The following TMEM178A variants were observed in gnomAD, a reference collection of about 807,000 sequenced individuals.
The protein encoded by TMEM178A is transmembrane protein 178A, also known as transmembrane protein 178.
In TMEM178A, 12 loss-of-function variants were observed where a neutral mutation model predicts 29.1. That is an observed-to-expected ratio of 0.41 (90% CI 0.26 to 0.67). TMEM178A has a LOEUF of 0.67. Among genes scored for constraint, TMEM178A ranks in the 30% least tolerant of loss-of-function variants. TMEM178A has a pLI of 0.29. For missense variants in TMEM178A, 366 were observed against 419.1 expected, an observed-to-expected ratio of 0.87 and a Z score of 1.11; for synonymous variants, 210 against 187.2, an observed-to-expected ratio of 1.12 and a Z score of -0.99.
intron 1 of TMEM178A, among the ~76,000 whole-genome samples, chr2:39,695,262 C>T (rs1467454408): frequency 1.3e-5 from 2 of 152,042 alleles, no homozygotes; most frequent in Non-Finnish European, 2.9e-5. Context: ...ATGGTGTAGC[C>T]TGTTGTTAAC....
chr2:39,711,286 A>ATAATATATACTTATTATAATT (rs1672289794), intron 3 of TMEM178A, among the ~76,000 whole-genome samples: 2 of 152,378 alleles, frequency 1.3e-5, no homozygotes, highest in South Asian at 4.1e-4. Flanking sequence ...TTAGATGGGT[A>ATAATATATACTTATTATAATT]TAATATATAC....
chr2:39,666,238 G>T lies in TMEM178A; in HGVS notation c.264G>T (p.Glu88Asp). The stretch of plus-strand genomic sequence containing the variant: ...GCGGCCCGGGGCGCGCCGACCCCGA[G>T]TCCTGGCGCTCGCTCCTGGGGCTCG... Reference protein sequence around the residue: ...LPGGPGRADPESWRSLLGLGG... With the variant: ...LPGGPGRADPDSWRSLLGLGG... The change falls in exon 1 of 4, where the codon GAG becomes GAT. Residue 88 changes from glutamate to aspartate, a missense_variant. Physicochemically the swap from Glu to Asp is conservative, Grantham distance 45. Transcript: ENST00000281961. The T allele has an allele frequency of 7.4e-7, 1 of 1,353,094 alleles. No individual in the cohort carries two copies. Among genetic ancestry groups the T allele is most frequent in the Non-Finnish European group, 9.4e-7 (1 of 1,059,662 alleles). The allele number at this position is 1,353,094 out of a possible 1,614,324, so 83.8% of individuals were successfully genotyped here. A position where few individuals can be genotyped will look rare whatever the true frequency, so the allele number is the denominator to read the frequency against.
rs770838873 is a variant in TMEM178A, at chr2:39,665,934, G to T, written c.-41G>T. On this transcript the variant is annotated 5_prime_UTR_variant, in exon 1 of 4. Coordinates refer to ENST00000281961, the MANE Select transcript of TMEM178A (RefSeq NM_152390.3). ...GGCCAAGTGCATTGTGTCTGGCGGCGGCGCGCGAGCCCACCGGCGGCTGCG... is the reference window on the plus strand; with the variant it reads ...GGCCAAGTGCATTGTGTCTGGCGGCTGCGCGCGAGCCCACCGGCGGCTGCG... 1 of 1,346,718 alleles carries T rather than the reference G, an allele frequency of 7.4e-7. No individual in the cohort carries two copies. The highest frequency in any genetic ancestry group is 9.5e-7 in the Non-Finnish European group (1 of 1,053,548). The allele number at this position is 1,346,718 out of a possible 1,614,324, so 83.4% of individuals were successfully genotyped here.
the TMEM178A span, among the ~76,000 whole-genome samples, chr2:39,735,234 A>T: frequency 6.6e-6 from 1 of 152,168 alleles, no homozygotes; most frequent in African/African-American, 2.4e-5. Flanking sequence ...CGCAGTATCC[A>T]CTATATGCCA....
intron 1 of TMEM178A, among the ~76,000 whole-genome samples, chr2:39,679,948 G>T (rs916816080): frequency 1.3e-5 from 2 of 152,074 alleles, no homozygotes; most frequent in Non-Finnish European, 2.9e-5. Context: ...GGAGAATCAC[G>T]TGGGGTGTGA....
At chr2:39,703,147 T>C (rs1671870007) in intron 1 of TMEM178A, among the ~76,000 whole-genome samples, 2 of 152,230 alleles carry the variant, frequency 1.3e-5, no homozygotes, top group Non-Finnish European at 1.5e-5. Flanking sequence ...TGGCTGGCAG[T>C]GTTAAAGGAC....
Position 39,704,166 on chromosome 2 carries a change from C to T in TMEM178A, c.486C>T (p.Thr162=), listed in dbSNP as rs1671925959. The part of the protein sequence containing the change: ...LRNIPFNLTK[T]IQQDEWHLLH... Reference sequence around the variant, plus strand: ...ACATTCCTTTTAATTTAACCAAGACCATACAGCAAGATGAGTGGCACCTGC... The same window carrying T: ...ACATTCCTTTTAATTTAACCAAGACTATACAGCAAGATGAGTGGCACCTGC... Residue 162 remains threonine (T), a synonymous_variant, in exon 2 of 4, where the codon ACC becomes ACT. Transcript: ENST00000281961. The T allele has an allele frequency of 1.2e-6, 2 of 1,614,132 alleles. No individual in the cohort carries two copies. The highest frequency in any genetic ancestry group is 2.2e-5 in the East Asian group (1 of 44,884).
the TMEM178A span, among the ~76,000 whole-genome samples, chr2:39,724,004 T>C: frequency 1.3e-5 from 2 of 152,218 alleles, no homozygotes; most frequent in Admixed American, 6.5e-5. Flanking sequence ...CACTGCACTT[T>C]GTAATTCTGT....
chr2:39,671,755 A>C (rs1400608951), intron 1 of TMEM178A, among the ~76,000 whole-genome samples: 1 of 152,200 alleles, frequency 6.6e-6, no homozygotes, highest in African/African-American at 2.4e-5. Flanking sequence ...GCCACTGTCC[A>C]AAGAATTTCA....
intron 3 of TMEM178A, among the ~76,000 whole-genome samples, chr2:39,707,928 T>G (rs1447352493): frequency 2.0e-5 from 3 of 152,254 alleles, no homozygotes; most frequent in Non-Finnish European, 4.4e-5. Flanking sequence ...TGGTGTCATT[T>G]TTACATACAC....
At chr2:39,721,717 G>A (rs1672709839), downstream of TMEM178A, among the ~76,000 whole-genome samples, 1 of 152,116 alleles carries the variant, frequency 6.6e-6, no homozygotes. Context: ...CAGTTGGCCA[G>A]GTGTGGTGGA....
the TMEM178A span, among the ~76,000 whole-genome samples, chr2:39,733,978 C>A: frequency 1.3e-5 from 2 of 151,882 alleles, no homozygotes; most frequent in Non-Finnish European, 2.9e-5. Flanking sequence ...TTTCGTCTTT[C>A]CTGGAATTCT....
At chr2:39,708,449 C>T (rs1198755283) in intron 3 of TMEM178A, among the ~76,000 whole-genome samples, 17 of 94,022 alleles carry the variant, frequency 1.8e-4, no homozygotes, top group East Asian at 1.2e-3. Flanking sequence ...GACGGAGTTT[C>T]GCTCTGTCGC....
downstream of TMEM178A, among the ~76,000 whole-genome samples, chr2:39,718,624 G>T (rs984096431): frequency 2.6e-5 from 4 of 152,164 alleles, no homozygotes; most frequent in Non-Finnish European, 5.9e-5. Flanking sequence ...GCTCTATGAG[G>T]TAAGTGCTGT....
the TMEM178A span, among the ~76,000 whole-genome samples, chr2:39,733,397 A>G: frequency 6.6e-6 from 1 of 152,182 alleles, no homozygotes; most frequent in Non-Finnish European, 1.5e-5. Context: ...AAGGATGCCA[A>G]TGGAATGAGT....
intron 1 of TMEM178A, among the ~76,000 whole-genome samples, chr2:39,683,208 A>G (rs1670941988): frequency 6.6e-6 from 1 of 152,170 alleles, no homozygotes. Context: ...ACTAATTTGC[A>G]CTTGTTTAAT....
intron 1 of TMEM178A, among the ~76,000 whole-genome samples, chr2:39,688,199 G>A (rs1444172847): frequency 2.0e-5 from 3 of 152,252 alleles, no homozygotes; most frequent in Non-Finnish European, 4.4e-5. Flanking sequence ...TAACAAGGAT[G>A]TATGAGAAGG....
At chr2:39,720,480 G>A (rs1672680896), downstream of TMEM178A, among the ~76,000 whole-genome samples, 2 of 152,138 alleles carry the variant, frequency 1.3e-5, no homozygotes, top group Admixed American at 1.3e-4. Flanking sequence ...TCCTCTGCCT[G>A]GCTTATTCTG....
chr2:39,667,689 T>A (rs573838680), intron 1 of TMEM178A, among the ~76,000 whole-genome samples: 1 of 152,308 alleles, frequency 6.6e-6, no homozygotes, highest in Middle Eastern at 3.4e-3. Context: ...CTCCTTCCCA[T>A]GGCTAACTCA....
Sources: allele counts gnomAD v4.1 joint callset (sites outside exome capture counted in the v4.1 genomes callset), GRCh38; gene constraint gnomAD v4.1.1; transcripts MANE v1.5; gene names NCBI Gene and HGNC (gene_info 2026-07-23, HGNC 2026-07-21).